Variants in LPIN2 observed in about 807,000 individuals in gnomAD.
LPIN2 encodes phosphatidate phosphatase LPIN2.
In LPIN2, 55 loss-of-function variants were observed where a neutral mutation model predicts 111.4. That is an observed-to-expected ratio of 0.49 (90% CI 0.40 to 0.62). LPIN2 has a LOEUF of 0.62. Ranked by LOEUF, LPIN2 falls within the 20% of genes least tolerant of loss-of-function variation. The probability of loss-of-function intolerance (pLI) is 0.00; values close to 1 mark genes in which losing one functional copy is unlikely to be tolerated. For missense variants in LPIN2, 992 were observed against 1,112.1 expected (o/e 0.89, Z 1.54); for synonymous variants, 425 against 414.0 (o/e 1.03, Z -0.32).
At chr18:3,008,048 C>T (rs16973300) in intron 1 of LPIN2, among the ~76,000 whole-genome samples, 7 of 152,140 alleles carry the variant, frequency 4.6e-5, no homozygotes, top group African/African-American at 9.7e-5. Flanking sequence ...GTATATAAAA[C>T]GTCTTCTAGG....
intron 1 of LPIN2, among the ~76,000 whole-genome samples, chr18:2,964,481 A>G (rs1181473583): frequency 6.6e-6 from 1 of 152,106 alleles, no homozygotes; most frequent in African/African-American, 2.4e-5. Context: ...GTGATGGATT[A>G]GTGTCCTTCT....
chr18:2,999,111 T>C (rs777271276), intron 1 of LPIN2, among the ~76,000 whole-genome samples: 42 of 152,222 alleles, frequency 2.8e-4, no homozygotes, highest in Non-Finnish European at 5.3e-4. Flanking sequence ...GGATGTCACA[T>C]GTGTTATCCC....
At chr18:3,000,737 A>G (rs921832181) in intron 1 of LPIN2, among the ~76,000 whole-genome samples, 1 of 152,158 alleles carries the variant, frequency 6.6e-6, no homozygotes, top group African/African-American at 2.4e-5. Flanking sequence ...AGGGCCTGCT[A>G]GCCAGGTCTA....
rs748242180 is a variant in LPIN2 at position 3,005,265 on chromosome 18, G to A, written c.-10+7822C>T. Among the ~76,000 whole-genome samples, 45 of 150,466 alleles carry A rather than the reference G, an allele frequency of 3.0e-4. 2 individuals are homozygous for A. Among genetic ancestry groups the A allele is most frequent in the Admixed American group, 1.8e-3 (27 of 15,216 alleles). ...CTAGGGAAGCCAAGGCAGGAGAATC[G>A]TTTAAACCCAGGAGGTAGAGGCTGC... is the stretch of plus-strand genomic sequence containing the variant. On this transcript the variant is annotated intron_variant, in intron 1 of 19. Coordinates refer to ENST00000677752, the MANE Select transcript of LPIN2 (RefSeq NM_001375808.2).
chr18:2,938,590 A>G (rs2077324930), intron 6 of LPIN2, among the ~76,000 whole-genome samples: 2 of 152,298 alleles, frequency 1.3e-5, no homozygotes, highest in African/African-American at 4.8e-5. Flanking sequence ...GGAAACTGAC[A>G]ATTTTCAGTT....
chr18:2,958,168 AAAAAAC>A (rs2077649715), intron 2 of LPIN2, among the ~76,000 whole-genome samples: 1 of 146,200 alleles, frequency 6.8e-6, no homozygotes, highest in Non-Finnish European at 1.5e-5. Flanking sequence ...CAACAAAAAA[AAAAAAC>A]AGAAAAAAGA....
At chr18:2,938,070 A>G in intron 6 of LPIN2, 33 bp from the exon 7 acceptor site, 2 of 1,490,718 alleles carry the variant, frequency 1.3e-6, no homozygotes, top group Non-Finnish European at 9.3e-7. Flanking sequence ...AAATTAAACT[A>G]CTTTCAGAGT....
intron 1 of LPIN2, among the ~76,000 whole-genome samples, chr18:2,996,239 C>T (rs552564416): frequency 6.6e-6 from 1 of 151,764 alleles, no homozygotes; most frequent in Non-Finnish European, 1.5e-5. Context: ...ACTCGGGAGG[C>T]TGAGGCAGGA....
intron 2 of LPIN2, among the ~76,000 whole-genome samples, chr18:2,958,151 A>ACAAAAC (rs2077644761): frequency 8.2e-6 from 1 of 121,320 alleles, no homozygotes; most frequent in South Asian, 2.7e-4. Flanking sequence ...CAAAAAAAAA[A>ACAAAAC]AAAAAACAAC....
intron 1 of LPIN2, among the ~76,000 whole-genome samples, chr18:2,996,270 T>C (rs951963945): frequency 6.0e-5 from 9 of 150,626 alleles, no homozygotes; most frequent in Non-Finnish European, 8.9e-5. Flanking sequence ...AACCCGGGAG[T>C]GGGAGGTTGC....
chr18:2,946,847 A>G (rs2077460297), intron 4 of LPIN2: 2 of 341,518 alleles, frequency 5.9e-6, no homozygotes, highest in East Asian at 7.8e-5. Context: ...AACGAATTTC[A>G]GCGTGGCTAA....
intron 1 of LPIN2, among the ~76,000 whole-genome samples, chr18:2,962,847 TTAAAA>T (rs769011761): frequency 6.6e-6 from 1 of 152,160 alleles, no homozygotes; most frequent in Non-Finnish European, 1.5e-5. Flanking sequence ...AGACCTTTTC[TTAAAA>T]TAAACAAAAA....
intron 4 of LPIN2, among the ~76,000 whole-genome samples, chr18:2,947,089 T>C (rs577968639): frequency 3.9e-5 from 6 of 152,354 alleles, no homozygotes; most frequent in African/African-American, 1.4e-4. Context: ...CAGTAGGTGC[T>C]ATCTGTGAAA....
chr18:2,944,333 CTTTTTTTTTTTTTTTTTTTTTT>C (rs768515839), intron 4 of LPIN2, among the ~76,000 whole-genome samples: 2 of 51,304 alleles, frequency 3.9e-5, no homozygotes, highest in African/African-American at 6.7e-5. Context: ...TTTCCACAAA[CTTTTTTTTTTTTTTTTTTTTTT>C]TTTTTTTTTT....
intron 2 of LPIN2, among the ~76,000 whole-genome samples, chr18:2,958,251 A>G (rs58724119): frequency 0.38 from 56,584 of 150,456 alleles, 11,022 homozygotes; most frequent in East Asian, 0.61. Context: ...TAAAATATCA[A>G]GTACACATTT....
intron 7 of LPIN2, among the ~76,000 whole-genome samples, chr18:2,934,736 C>T (rs1396844964): frequency 5.3e-5 from 8 of 152,100 alleles, no homozygotes; most frequent in African/African-American, 1.9e-4. Context: ...ATGGTGAAGT[C>T]TTTTTTGTAT....
intron 1 of LPIN2, among the ~76,000 whole-genome samples, chr18:2,975,107 G>C (rs2077989437): frequency 6.6e-6 from 1 of 152,168 alleles, no homozygotes; most frequent in Non-Finnish European, 1.5e-5. Context: ...GTACTAATAA[G>C]AAAACTGAGG....
intron 1 of LPIN2, among the ~76,000 whole-genome samples, chr18:3,007,656 A>T (rs1173386092): frequency 6.6e-6 from 1 of 152,254 alleles, no homozygotes; most frequent in Non-Finnish European, 1.5e-5. Flanking sequence ...ATGTTGGCTC[A>T]TAAGAAAAGC....
intron 7 of LPIN2, 94 bp from the exon 8 acceptor site, chr18:2,934,544 A>G: frequency 2.5e-6 from 2 of 802,074 alleles, no homozygotes; most frequent in South Asian, 2.8e-5. Context: ...AAGAGTGACA[A>G]GCAGGATTTG....
Sources: gnomAD v4.1 joint callset for allele counts (sites outside exome capture counted in the v4.1 genomes callset) on GRCh38, gnomAD v4.1.1 for gene constraint, MANE v1.5 for transcripts, NCBI Gene and HGNC (gene_info 2026-07-23, HGNC 2026-07-21) for gene names.